Variants in NGDN observed in about 807,000 individuals in gnomAD.
The protein encoded by NGDN is neuroguidin.
A neutral mutation model predicts 45.2 loss-of-function variants in NGDN; 41 were observed. That is an observed-to-expected ratio of 0.91 (90% CI 0.71 to 1.18). The LOEUF (loss-of-function observed/expected upper bound fraction) is 1.18. Among genes scored for constraint, NGDN ranks in the 50% most tolerant of loss-of-function variants. The probability of loss-of-function intolerance (pLI) is 0.00; values close to 1 mark genes in which losing one functional copy is unlikely to be tolerated. For missense variants in NGDN, 402 were observed against 399.9 expected (o/e 1.01, Z -0.05); for synonymous variants, 137 against 130.9 (o/e 1.05, Z -0.32).
At chr14:23,477,842 T>C (rs1893939930) in intron 10 of NGDN, 165 bp from the exon 11 acceptor site, 2 of 1,492,508 alleles carry the variant, frequency 1.3e-6, no homozygotes, top group South Asian at 2.7e-5. Context: ...CATTATCCCA[T>C]TTCAATTTTA....
At position 23,470,070 on chromosome 14, in the gene NGDN, C is replaced by G. The variant is rs746802944; in HGVS notation, c.41C>G (p.Ala14Gly). 1 of 1,614,128 alleles carries G rather than the reference C, an allele frequency of 6.2e-7. No individual in the cohort carries two copies. The highest frequency in any genetic ancestry group is 1.7e-5 in the Admixed American group (1 of 60,020). ...GTGCTGGAGTCCGACCTGCCAAGTG[C>G]CGTGACACTTCTGAAAAATCTCCAG... ...LGVLESDLPS[A>G]VTLLKNLQEQ... is the part of the protein sequence containing the mutation. The change falls in exon 2 of 11, where the codon GCC (alanine) becomes GGC (glycine). Residue 14 changes from alanine (A) to glycine (G), a missense_variant. By Grantham distance (60) the Ala-to-Gly change is moderately conservative. Coordinates refer to ENST00000408901, the MANE Select transcript of NGDN (RefSeq NM_001042635.2).
rs1893926119 is a variant in NGDN, at chr14:23,477,309, T to C, written c.823T>C (p.Phe275Leu). ...CTCACAACTTCATTCCCTTACACAC[T>C]TCAGTGACATCAGTGCTTTGACAGG... ...MSSQLHSLTH[F>L]SDISALTGGT... Residue 275 changes from phenylalanine to leucine, a missense_variant, in exon 9 of 11, where the codon TTC becomes CTC. Transcript: ENST00000408901. 1 of 1,614,188 alleles carries C rather than the reference T, an allele frequency of 6.2e-7. No homozygotes were observed. Among genetic ancestry groups the C allele is most frequent in the South Asian group, 1.1e-5 (1 of 91,086 alleles).
intron 3 of NGDN, among the ~76,000 whole-genome samples, chr14:23,472,695 C>T (rs1303832440): frequency 3.3e-5 from 5 of 152,096 alleles, no homozygotes; most frequent in Admixed American, 1.3e-4. Flanking sequence ...GCCAAATATT[C>T]TATGGGTAAA....
rs749946379 is a variant in NGDN at position 23,477,244 on chromosome 14, A to C, written c.758A>C (p.Lys253Thr). ...ATGATGGTGCGTTTGAGCGTCAGTAAGCGAGAGAAAGGACGGCGAAAACGA... is the reference window on the plus strand; with the variant it reads ...ATGATGGTGCGTTTGAGCGTCAGTACGCGAGAGAAAGGACGGCGAAAACGA... ...ESMMVRLSVS[K>T]REKGRRKRAN... Residue 253 changes from lysine (K) to threonine (T), a missense_variant, in exon 9 of 11, where the codon AAG becomes ACG. By Grantham distance (78) the Lys-to-Thr change is moderately conservative. Coordinates refer to ENST00000408901, the MANE Select transcript of NGDN (RefSeq NM_001042635.2). The C allele has an allele frequency of 1.2e-6, 2 of 1,614,208 alleles. No individual in the cohort carries two copies. Among genetic ancestry groups the C allele is most frequent in the East Asian group, 4.5e-5 (2 of 44,878 alleles).
chr14:23,475,833 A>T (rs1057367170), intron 6 of NGDN, 55 bp downstream of exon 6: 1 of 1,537,202 alleles, frequency 6.5e-7, no homozygotes, highest in Non-Finnish European at 8.9e-7. Flanking sequence ...TACCTAGATG[A>T]GCCTCTTGGT....
At chr14:23,471,888 TAAA>T (rs1160057999) in intron 3 of NGDN, among the ~76,000 whole-genome samples, 1 of 151,962 alleles carries the variant, frequency 6.6e-6, no homozygotes, top group African/African-American at 2.4e-5. Flanking sequence ...TCAGAGATGT[TAAA>T]ATATGAAAAC....
chr14:23,477,537 C>T lies in NGDN; in HGVS notation c.905C>T (p.Pro302Leu), dbSNP rs765565817. The T allele has an allele frequency of 3.8e-5, 61 of 1,613,984 alleles. 1 individual carries two copies. In the South Asian group the frequency reaches 6.3e-4, roughly 17 times the overall value. Residue 302 changes from proline to leucine, a missense_variant, in exon 10 of 11, where the codon CCT becomes CTT. Coordinates refer to ENST00000408901, the MANE Select transcript of NGDN (RefSeq NM_001042635.2). ...CCTATTAAGAAGCGGAAGAAGATAC[C>T]TCAGAAAGGTCGGAAGAAAAAAGGT... ...QNPIKKRKKIPQKGRKKKGFR... is the reference protein window; with the variant it reads ...QNPIKKRKKILQKGRKKKGFR...
chr14:23,477,966 C>A lies in NGDN; in HGVS notation c.929-41C>A, dbSNP rs762280718. The A allele has an allele frequency of 7.4e-6, 12 of 1,614,022 alleles. No individual in the cohort carries two copies. In the Admixed American group the frequency reaches 2.0e-4, roughly 27 times the overall value. On this transcript the variant is annotated intron_variant, in intron 10 of 10. Coordinates refer to ENST00000408901, the MANE Select transcript of NGDN (RefSeq NM_001042635.2). ...TGTTTTCCTGTCCCTTTAGCTTTTC[C>A]AACTGTCCTTTGCCTCATTCTTGGT...
intron 3 of NGDN, among the ~76,000 whole-genome samples, chr14:23,472,338 A>C (rs1893800823): frequency 6.6e-6 from 1 of 152,040 alleles, no homozygotes; most frequent in Non-Finnish European, 1.5e-5. Flanking sequence ...TTTACTAAAA[A>C]TACAAAAATT....
Position 23,478,061 on chromosome 14 carries a change from C to T in NGDN, c.*35C>T. The T allele has an allele frequency of 6.3e-7, 1 of 1,595,936 alleles. No individual in the cohort carries two copies. Among genetic ancestry groups the T allele is most frequent in the Non-Finnish European group, 8.6e-7 (1 of 1,163,522 alleles). On this transcript the variant is annotated 3_prime_UTR_variant, in exon 11 of 11. Transcript: ENST00000408901. Reference sequence around the variant, plus strand: ...TACATATTTGTATATTTTTTGTCATCCTGAGATACTTCTAATTTCATTGTA... The same window carrying T: ...TACATATTTGTATATTTTTTGTCATTCTGAGATACTTCTAATTTCATTGTA...
rs368378290 is a variant in NGDN at position 23,477,634 on chromosome 14, A to G, written c.928+74A>G. 3.9e-5 allele frequency: 62 copies of G among 1,599,720 alleles called. No individual in the cohort carries two copies. In the African/African-American group the frequency reaches 7.2e-4, roughly 19 times the overall value. ...CAAATTGAGTCTCTTTGGATTTGCC[A>G]TTCTGGGTCTCACCAAGCCCTGTAG... On this transcript the variant is annotated intron_variant, in intron 10 of 10. Transcript: ENST00000408901.
chr14:23,477,499 C>T lies in NGDN; in HGVS notation c.871-4C>T. 1 of 1,614,120 alleles carries T rather than the reference C, an allele frequency of 6.2e-7. No homozygotes were observed. The highest frequency in any genetic ancestry group is 2.2e-5 in the East Asian group (1 of 44,878). Reference sequence around the variant, plus strand: ...CATTCCATCACTTCTCCATCTGTCTCCAGGATCAGAATCCTATTAAGAAGC... The same window carrying T: ...CATTCCATCACTTCTCCATCTGTCTTCAGGATCAGAATCCTATTAAGAAGC... On this transcript the variant is annotated splice_polypyrimidine_tract_variant and splice_region_variant and intron_variant, in intron 9 of 10. Transcript: ENST00000408901.
chr14:23,477,670 A>T (rs1893935944), intron 10 of NGDN, 110 bp downstream of exon 10: 1 of 1,546,532 alleles, frequency 6.5e-7, no homozygotes, highest in Non-Finnish European at 8.7e-7. Flanking sequence ...TATCTCTTCC[A>T]TACTGGGCAA....
Position 23,475,628 on chromosome 14 carries a change from T to C in NGDN, c.353T>C (p.Val118Ala). ...YQIDKLIKTA[V>A]TGSLSENDPL... ...ATTGACAAGCTGATCAAGACTGCAG[T>C]GACAGGCAGCCTTAGTAAGTGAGGA... Residue 118 changes from valine (V) to alanine (A), a missense_variant, in exon 5 of 11, where the codon GTG (valine) becomes GCG (alanine). Transcript: ENST00000408901. 3 of 1,614,180 alleles carry C rather than the reference T, an allele frequency of 1.9e-6. No individual in the cohort carries two copies. The highest frequency in any genetic ancestry group is 2.5e-6 in the Non-Finnish European group (3 of 1,179,974).
chr14:23,477,290 A>C lies in NGDN; in HGVS notation c.804A>C (p.Gln268His). 1 of 1,614,218 alleles carries C rather than the reference A, an allele frequency of 6.2e-7. No individual in the cohort carries two copies. The highest frequency in any genetic ancestry group is 1.1e-5 in the South Asian group (1 of 91,086). ...AACGAGCAAATGTCATGAGCTCACA[A>C]CTTCATTCCCTTACACACTTCAGTG... is the stretch of plus-strand genomic sequence containing the variant. ...RRKRANVMSS[Q>H]LHSLTHFSDI... Residue 268 changes from glutamine (Q) to histidine (H), a missense_variant, in exon 9 of 11, where the codon CAA (glutamine) becomes CAC (histidine). Gln to His is a conservative substitution (Grantham distance 24). Transcript: ENST00000408901.
intron 3 of NGDN, among the ~76,000 whole-genome samples, chr14:23,473,955 T>A (rs1017559557): frequency 6.6e-6 from 1 of 150,534 alleles, no homozygotes; most frequent in Non-Finnish European, 1.5e-5. Flanking sequence ...GAAGAATCAC[T>A]TGAACCCAGG....
intron 8 of NGDN, 37 bp downstream of exon 8, chr14:23,476,444 T>C (rs1359257023): frequency 1.9e-6 from 3 of 1,560,500 alleles, no homozygotes; most frequent in South Asian, 1.1e-5. Context: ...TCCTGCACTC[T>C]AGAGTCCTGT....
intron 1 of NGDN, 88 bp from the exon 2 acceptor site, chr14:23,469,954 G>C: frequency 7.1e-7 from 1 of 1,406,102 alleles, no homozygotes; most frequent in Non-Finnish European, 1.0e-6. Context: ...CTGACGGAGA[G>C]AGGGCAGTTT....
intron 4 of NGDN, 85 bp downstream of exon 4, chr14:23,475,393 G>A: frequency 7.1e-7 from 1 of 1,411,856 alleles, no homozygotes; most frequent in Non-Finnish European, 9.8e-7. Context: ...ATTTAAGTGA[G>A]TCTTCTCATG....
Sources: allele counts gnomAD v4.1 joint callset (sites outside exome capture counted in the v4.1 genomes callset), GRCh38; gene constraint gnomAD v4.1.1; transcripts MANE v1.5; gene names NCBI Gene and HGNC (gene_info 2026-07-23, HGNC 2026-07-21).